The following SLC37A1 variants were observed in gnomAD, a reference collection of about 807,000 sequenced individuals.
SLC37A1 encodes the protein solute carrier family 37 member 1, also known as glucose-6-phosphate exchanger SLC37A1.
Under a neutral mutation model 75.3 loss-of-function variants are expected in SLC37A1, and 49 were observed. That is an observed-to-expected ratio of 0.65 (90% confidence interval 0.52 to 0.83). The LOEUF (loss-of-function observed/expected upper bound fraction) is 0.83, where lower values mean the gene tolerates loss of function less well. Among genes scored for constraint, SLC37A1 ranks in the 40% least tolerant of loss-of-function variants. SLC37A1 has a pLI of 0.00. For synonymous variants in SLC37A1, 268 were observed against 292.1 expected (o/e 0.92, Z 0.84); for missense variants, 566 against 695.0 (o/e 0.81, Z 2.09).
chr21:42,504,161 G>T (rs999707935), intron 2 of SLC37A1, among the ~76,000 whole-genome samples: 1 of 152,210 alleles, frequency 6.6e-6, no homozygotes, highest in Non-Finnish European at 1.5e-5. Flanking sequence ...TCAAAATATT[G>T]TGGCTTTCTT....
chr21:42,559,264 G>A (rs1386161016), intron 11 of SLC37A1, among the ~76,000 whole-genome samples, 175 bp downstream of exon 11: 1 of 152,254 alleles, frequency 6.6e-6, no homozygotes, highest in Admixed American at 6.5e-5. Context: ...GAATATGGCT[G>A]CAGTGATATT....
intron 8 of SLC37A1, among the ~76,000 whole-genome samples, chr21:42,546,861 T>C (rs228081): frequency 0.32 from 48,285 of 152,242 alleles, 9,191 homozygotes; most frequent in Admixed American, 0.53. Flanking sequence ...TACAGATACA[T>C]AGAGATAGTA....
chr21:42,521,119 C>A, intron 2 of SLC37A1, among the ~76,000 whole-genome samples: 1 of 152,202 alleles, frequency 6.6e-6, no homozygotes, highest in East Asian at 1.9e-4. Context: ...GGGGCGGCAG[C>A]TTGAGGAACA....
chr21:42,578,920 C>T (rs2056361381), intron 18 of SLC37A1, among the ~76,000 whole-genome samples: 1 of 152,196 alleles, frequency 6.6e-6, no homozygotes, highest in Non-Finnish European at 1.5e-5. Flanking sequence ...TTCCCTGCCT[C>T]CCCTGGACCA....
upstream of SLC37A1, chr21:42,509,245 C>A (rs148846118): frequency 1.5e-4 from 23 of 152,230 alleles, 1 homozygote; most frequent in Non-Finnish European, 3.1e-4. The surrounding 1 kb of genome is among the most constrained non-coding windows in gnomAD (Gnocchi z 4.2). Flanking sequence ...AATTTTAAAG[C>A]TTTTCTATGG....
At chr21:42,515,098 T>C (rs2054497895) in intron 1 of SLC37A1, among the ~76,000 whole-genome samples, 1 of 152,156 alleles carries the variant, frequency 6.6e-6, no homozygotes, top group Non-Finnish European at 1.5e-5. Flanking sequence ...GTTCTCTTTG[T>C]TGGGGGTTGG....
upstream of SLC37A1, among the ~76,000 whole-genome samples, chr21:42,511,563 A>G (rs774551300): frequency 6.6e-6 from 1 of 152,212 alleles, no homozygotes; most frequent in Non-Finnish European, 1.5e-5. Context: ...AGGCAGGAAG[A>G]CTGCTTGAAC....
chr21:42,561,738 C>T lies in SLC37A1; in HGVS notation c.982-340C>T, dbSNP rs116189819. ...GAAATTCAGAAACGCCGTAGATAAA[C>T]AGGGCTTCCTGTCTTCACTTGAAAA... On this transcript the variant is annotated intron_variant, in intron 11 of 19. Transcript: ENST00000352133. The T allele has an allele frequency of 7.6e-3, 1,861 of 244,680 alleles. 40 individuals carry two copies. Among genetic ancestry groups the T allele is most frequent in the African/African-American group, 0.038 (1,729 of 45,324 alleles). The allele number at this position is 244,680 out of a possible 1,614,324, so 15.2% of individuals were successfully genotyped here.
chr21:42,527,606 T>G (rs1334311593), intron 3 of SLC37A1, among the ~76,000 whole-genome samples: 1 of 152,156 alleles, frequency 6.6e-6, no homozygotes, highest in African/African-American at 2.4e-5. Context: ...GTGAGGAAAT[T>G]GAGGCTCGGG....
chr21:42,580,563 GTC>G lies in SLC37A1; in HGVS notation c.*205_*206del, dbSNP rs1248885574. 3.3e-6 allele frequency: 2 copies of G among 604,710 alleles called. No individual in the cohort carries two copies. The highest frequency in any genetic ancestry group is 5.7e-6 in the Non-Finnish European group (2 of 352,142). The allele number at this position is 604,710 out of a possible 1,614,324, so 37.5% of individuals were successfully genotyped here. ...ATATTGCTGAACAGCAGTGAGAAAA[GTC>G]TGCAGGAACTGCTGCCTGAGCCAAG... is the stretch of plus-strand genomic sequence containing the variant. On this transcript the variant is annotated 3_prime_UTR_variant, in exon 20 of 20. Coordinates refer to ENST00000352133, the MANE Select transcript of SLC37A1 (RefSeq NM_001320537.2).
chr21:42,561,170 G>T (rs927360702), intron 11 of SLC37A1, among the ~76,000 whole-genome samples: 2 of 152,214 alleles, frequency 1.3e-5, no homozygotes, highest in African/African-American at 4.8e-5. Context: ...AAAGTAGAGC[G>T]CTGGGTTCCC....
At position 42,568,442 on chromosome 21, in the gene SLC37A1, C is replaced by T. The variant is rs541862501; in HGVS notation, c.1423+4C>T. 49 of 1,613,390 alleles carry T rather than the reference C, an allele frequency of 3.0e-5. No homozygotes were observed. The highest frequency in any genetic ancestry group is 5.5e-5 in the South Asian group (5 of 90,862). The stretch of plus-strand genomic sequence containing the variant: ...ATTGACGGGACGGGCTCTGTAGGTG[C>T]GCAGAGAGTTTTAGCTCTGGGAGGT... On this transcript the variant is annotated splice_donor_region_variant and intron_variant, in intron 17 of 19. Coordinates refer to ENST00000352133, the MANE Select transcript of SLC37A1 (RefSeq NM_001320537.2).
intron 18 of SLC37A1, chr21:42,575,937 C>G (rs1203701659): frequency 1.0e-6 from 1 of 985,088 alleles, no homozygotes; most frequent in African/African-American, 1.7e-5. Flanking sequence ...CAGTAAAATT[C>G]CTGTCATTAC....
At chr21:42,580,309 C>T in intron 19 of SLC37A1, 36 bp from the exon 20 acceptor site, 1 of 1,607,772 alleles carries the variant, frequency 6.2e-7, no homozygotes, top group African/African-American at 1.3e-5. Flanking sequence ...CCACTGCTGG[C>T]TGTTAGAGCA....
intron 12 of SLC37A1, among the ~76,000 whole-genome samples, chr21:42,563,337 C>T (rs755937217): frequency 6.6e-6 from 1 of 152,216 alleles, no homozygotes; most frequent in Non-Finnish European, 1.5e-5. Flanking sequence ...TGACCCACAG[C>T]CCCAGATGCC....
At chr21:42,573,158 G>A (rs147824325) in intron 17 of SLC37A1, among the ~76,000 whole-genome samples, 2 of 152,014 alleles carry the variant, frequency 1.3e-5, no homozygotes, top group African/African-American at 4.8e-5. Flanking sequence ...GTTAAGCTGC[G>A]CTGTCCTGCA....
rs768063729 is a variant in SLC37A1, at chr21:42,528,778, G to A, written c.138+2921G>A. Among the ~76,000 whole-genome samples, 8 of 152,292 alleles carry A rather than the reference G, an allele frequency of 5.3e-5. No homozygotes were observed. In the East Asian group the frequency reaches 9.6e-4, roughly 18 times the overall value. The stretch of plus-strand genomic sequence containing the variant: ...CGGGAGGCGAAGTTTGCAGTGAGCC[G>A]AGAGCGCACCATTGCCCTCCAGCCT... On this transcript the variant is annotated intron_variant, in intron 3 of 19. Transcript: ENST00000352133.
chr21:42,570,155 AGCGGCGGGCAGG>A (rs1244469408), intron 17 of SLC37A1, among the ~76,000 whole-genome samples: 5 of 105,766 alleles, frequency 4.7e-5, no homozygotes, highest in Admixed American at 1.1e-4. Flanking sequence ...GGTTCTGAGA[AGCGGCGGGCAGG>A]GTGGCCATTG....
rs17115041 is a variant in SLC37A1 at position 42,525,875 on chromosome 21, C to T, written c.138+18C>T. ...TAGTTAAGGTAAGAATCATGGAAAG[C>T]ACTGCCTGTCGTCTCTGTGAGGAGT... On this transcript the variant is annotated intron_variant, in intron 3 of 19. Coordinates refer to ENST00000352133, the MANE Select transcript of SLC37A1 (RefSeq NM_001320537.2). 3,724 of 1,595,428 alleles carry T rather than the reference C, an allele frequency of 2.3e-3. 77 individuals are homozygous for T. The African/African-American group carries it at 0.045, about 19-fold the overall frequency.
Sources: allele counts gnomAD v4.1 joint callset (sites outside exome capture counted in the v4.1 genomes callset), GRCh38; gene constraint gnomAD v4.1.1; non-coding constraint Gnocchi (gnomAD v3.1); transcripts MANE v1.5; gene names NCBI Gene and HGNC (gene_info 2026-07-23, HGNC 2026-07-21).